GRID2: variants seen among roughly 807,000 people sequenced by gnomAD.
The protein encoded by GRID2 is glutamate ionotropic receptor delta type subunit 2.
In GRID2, 33 loss-of-function variants were observed where a neutral mutation model predicts 114.8. The observed-to-expected ratio is 0.29, with a 90% CI of 0.22 to 0.38. GRID2 has a LOEUF of 0.38. Among genes scored for constraint, GRID2 ranks in the 10% least tolerant of loss-of-function variants. The probability of loss-of-function intolerance (pLI) is 1.00; values close to 1 mark genes in which losing one functional copy is unlikely to be tolerated. For synonymous variants in GRID2, 505 were observed against 449.9 expected (o/e 1.12, Z -1.55); for missense variants, 1,184 against 1,257.7 (o/e 0.94, Z 0.89).
chr4:93,676,763 A>AC (rs1031898369), intron 14 of GRID2, among the ~76,000 whole-genome samples: 1 of 151,456 alleles, frequency 6.6e-6, no homozygotes, highest in African/African-American at 2.4e-5. Context: ...CAAAAAAAAA[A>AC]AAAAGAAAGA....
chr4:93,266,387 C>A (rs1750830597), intron 8 of GRID2, among the ~76,000 whole-genome samples: 1 of 152,058 alleles, frequency 6.6e-6, no homozygotes, highest in Admixed American at 6.6e-5. Flanking sequence ...ACTCTATAAG[C>A]CACCTGTGTT....
intron 8 of GRID2, among the ~76,000 whole-genome samples, chr4:93,343,072 A>G (rs1419827814): frequency 6.6e-6 from 1 of 152,008 alleles, no homozygotes; most frequent in Non-Finnish European, 1.5e-5. Flanking sequence ...TGAGGACAAT[A>G]AAGAGGGCCT....
Position 93,455,981 on chromosome 4 carries a change from A to C in GRID2, c.1858+7A>C. On this transcript the variant is annotated splice_region_variant and intron_variant, in intron 11 of 15. Transcript: ENST00000282020. The stretch of plus-strand genomic sequence containing the variant: ...GGATCTTTTGTACAACAAGGTAAGG[A>C]GCAAAAGTACATTCTAGTATTTAAA... 6.6e-7 allele frequency: 1 copy of C among 1,512,468 alleles called. No homozygotes were observed. The highest frequency in any genetic ancestry group is 9.2e-7 in the Non-Finnish European group (1 of 1,087,528). The allele number at this position is 1,512,468 out of a possible 1,614,324, so 93.7% of individuals were successfully genotyped here.
intron 2 of GRID2, among the ~76,000 whole-genome samples, chr4:92,800,214 C>A (rs1264303404): frequency 4.6e-5 from 7 of 151,790 alleles, no homozygotes; most frequent in African/African-American, 1.7e-4. Context: ...AACAGGACTT[C>A]ACCCTTCTGA....
chr4:93,105,851 T>C (rs1732173523), intron 3 of GRID2, among the ~76,000 whole-genome samples: 1 of 152,114 alleles, frequency 6.6e-6, no homozygotes, highest in Non-Finnish European at 1.5e-5. Context: ...TGGGATAATC[T>C]CCCTATTTTA....
At chr4:92,785,159 C>G (rs1016370370) in intron 2 of GRID2, among the ~76,000 whole-genome samples, 1 of 149,324 alleles carries the variant, frequency 6.7e-6, no homozygotes. Context: ...AGACAAAATC[C>G]AAACATTATA....
At chr4:93,269,752 A>C (rs968170423) in intron 8 of GRID2, among the ~76,000 whole-genome samples, 1 of 152,206 alleles carries the variant, frequency 6.6e-6, no homozygotes, top group Non-Finnish European at 1.5e-5. Flanking sequence ...ACTTTAATCA[A>C]ATATCCCTTC....
chr4:92,588,242 T>TA (rs1379943403), intron 1 of GRID2, among the ~76,000 whole-genome samples: 2 of 152,066 alleles, frequency 1.3e-5, no homozygotes, highest in African/African-American at 4.8e-5. Context: ...GAGCTTAGAT[T>TA]AAAAAGCATT....
chr4:92,618,184 A>G (rs1443432292), intron 2 of GRID2, among the ~76,000 whole-genome samples: 6 of 151,648 alleles, frequency 4.0e-5, no homozygotes, highest in African/African-American at 1.2e-4. Flanking sequence ...TTATTTCTGC[A>G]TAGTGTGAAA....
intron 4 of GRID2, among the ~76,000 whole-genome samples, chr4:93,160,096 C>T (rs1737548054): frequency 6.6e-6 from 1 of 151,664 alleles, no homozygotes; most frequent in Admixed American, 6.6e-5. Flanking sequence ...CATATTTTCA[C>T]AGTTAAACAA....
At chr4:92,680,622 G>C (rs1733605940) in intron 2 of GRID2, among the ~76,000 whole-genome samples, 1 of 152,090 alleles carries the variant, frequency 6.6e-6, no homozygotes, top group Admixed American at 6.5e-5. Context: ...ACAGCATAAA[G>C]AATAATGAAA....
intron 14 of GRID2, among the ~76,000 whole-genome samples, chr4:93,765,278 C>T (rs1256324152): frequency 1.3e-5 from 2 of 152,104 alleles, no homozygotes; most frequent in African/African-American, 2.4e-5. Context: ...TCATTCCCTT[C>T]CAACACTTGT....
Position 93,541,219 on chromosome 4 carries a change from C to A in GRID2, c.2193+25808C>A, listed in dbSNP as rs139616363. On this transcript the variant is annotated intron_variant, in intron 13 of 15. Coordinates refer to ENST00000282020, the MANE Select transcript of GRID2 (RefSeq NM_001510.4). ...TTTCCCAAAAGGCACTTAGTACATG[C>A]GGACAGTAAATCCCACAGTGTCAGT... 1.2e-4 allele frequency among the ~76,000 whole-genome samples: 18 copies of A among 152,222 alleles called. No individual in the cohort carries two copies. The East Asian group carries it at 3.5e-3, about 29-fold the overall frequency.
intron 7 of GRID2, among the ~76,000 whole-genome samples, chr4:93,231,160 C>G (rs1171572744): frequency 2.0e-5 from 3 of 151,886 alleles, no homozygotes; most frequent in Admixed American, 2.0e-4. Context: ...TGGAATAGTG[C>G]CATGTCATTG....
intron 2 of GRID2, among the ~76,000 whole-genome samples, chr4:93,031,089 T>C (rs1470414192): frequency 7.0e-6 from 1 of 142,400 alleles, no homozygotes; most frequent in African/African-American, 2.7e-5. Context: ...CAGACTGGAG[T>C]GCAGTGGCAT....
At chr4:92,307,936 T>G (rs1725494651) in intron 1 of GRID2, among the ~76,000 whole-genome samples, 1 of 152,224 alleles carries the variant, frequency 6.6e-6, no homozygotes, top group African/African-American at 2.4e-5. Flanking sequence ...CCACATTACT[T>G]GATTGCTTAG....
chr4:93,605,551 A>C (rs930684336), intron 13 of GRID2, among the ~76,000 whole-genome samples: 2 of 152,196 alleles, frequency 1.3e-5, no homozygotes, highest in African/African-American at 4.8e-5. Context: ...CCTTATTACC[A>C]ATGTTTGAGA....
At chr4:92,761,319 TTAAATTAG>T (rs1383937196) in intron 2 of GRID2, among the ~76,000 whole-genome samples, 2 of 152,216 alleles carry the variant, frequency 1.3e-5, no homozygotes, top group African/African-American at 4.8e-5. Context: ...GAACTATTGA[TTAAATTAG>T]TATAGGAAAG....
intron 2 of GRID2, among the ~76,000 whole-genome samples, chr4:92,977,485 G>C (rs759281745): frequency 2.6e-5 from 4 of 152,144 alleles, no homozygotes; most frequent in African/African-American, 9.7e-5. Flanking sequence ...GCAGGCATGA[G>C]CCAGATCTTT....
Sources: allele counts gnomAD v4.1 joint callset (sites outside exome capture counted in the v4.1 genomes callset), GRCh38; gene constraint gnomAD v4.1.1; transcripts MANE v1.5; gene names NCBI Gene and HGNC (gene_info 2026-07-23, HGNC 2026-07-21).